The following CHD6 variants were observed in gnomAD, a reference collection of about 807,000 sequenced individuals.
CHD6 encodes chromodomain helicase DNA binding protein 6, also known as ATP-dependent chromatin remodeler CHD6.
A neutral mutation model predicts 276.9 loss-of-function variants in CHD6; 50 were observed. The observed-to-expected ratio is 0.18, with a 90% CI of 0.14 to 0.23. CHD6 has a LOEUF of 0.23. CHD6 is among the 10% of genes least tolerant of loss of function. The pLI is 1.00. For missense variants in CHD6, 2,564 were observed against 3,365.8 expected, an observed-to-expected ratio of 0.76 and a Z score of 5.89; for synonymous variants, 1,173 against 1,229.3, an observed-to-expected ratio of 0.95 and a Z score of 0.96.
chr20:41,434,105 T>C (rs1246911384), intron 27 of CHD6, among the ~76,000 whole-genome samples: 1 of 152,302 alleles, frequency 6.6e-6, no homozygotes, highest in East Asian at 1.9e-4. Flanking sequence ...GTCTGAATAA[T>C]ATCAACTAGA....
rs1307367989 is a variant in CHD6, at chr20:41,551,352, T to A, written c.-15A>T. ...TTCATTTTCATCTATTGAAGGAAGA[T>A]ATTTATTTCTGTAAAACATTTTTAA... On this transcript the variant is annotated 5_prime_UTR_variant, in exon 2 of 37. Coordinates refer to ENST00000373233, the MANE Select transcript of CHD6 (RefSeq NM_032221.5). 1 of 1,368,968 alleles carries A rather than the reference T, an allele frequency of 7.3e-7. No homozygotes were observed. Among genetic ancestry groups the A allele is most frequent in the Admixed American group, 1.7e-5 (1 of 57,700 alleles). 84.8% of individuals were successfully genotyped at this position (1,368,968 alleles called of 1,614,324 possible). A position where few individuals can be genotyped will look rare whatever the true frequency, so the allele number is the denominator to read the frequency against.
At chr20:41,580,100 TAAGAA>T (rs1188024218) in intron 1 of CHD6, among the ~76,000 whole-genome samples, 2 of 152,108 alleles carry the variant, frequency 1.3e-5, no homozygotes, top group African/African-American at 4.8e-5. Context: ...TTTCAAAACT[TAAGAA>T]AACAGCAGTC....
chr20:41,431,827 G>T (rs1350501865), intron 27 of CHD6, among the ~76,000 whole-genome samples: 3 of 145,344 alleles, frequency 2.1e-5, no homozygotes, highest in African/African-American at 7.8e-5. Flanking sequence ...TAAAGAAGCG[G>T]GCTACCCGGA....
chr20:41,420,773 T>A lies in CHD6; in HGVS notation c.5862A>T (p.Glu1954Asp), dbSNP rs767650890. ...AAGCCTTGGGTTTCTCGATTTCAAA[T>A]TCATCATTCTCGAGGCCATGCATCC... ...ERWMHGLEND[E>D]FEIEKPKAYI... Residue 1954 changes from glutamate (E) to aspartate (D), a missense_variant, in exon 31 of 37, where the codon GAA (glutamate) becomes GAT (aspartate). By Grantham distance (45) the Glu-to-Asp change is conservative. Coordinates refer to ENST00000373233, the MANE Select transcript of CHD6 (RefSeq NM_032221.5). 5.0e-6 allele frequency: 8 copies of A among 1,614,210 alleles called. No individual in the cohort carries two copies. The East Asian group carries it at 1.8e-4, about 36-fold the overall frequency.
At position 41,592,106 on chromosome 20, in the gene CHD6, CA is replaced by C. The variant is rs201671824; in HGVS notation, c.-24+26233del. ...AGAGTGAGACTCTGTATCAAACAAA[CA>C]AAAAAAAAGAATTTCAAATCAGACT... On this transcript the variant is annotated intron_variant, in intron 1 of 36. Transcript: ENST00000373233. 9.3e-5 allele frequency among the ~76,000 whole-genome samples: 14 copies of C among 150,632 alleles called. 3 individuals carry two copies. The highest frequency in any genetic ancestry group is 3.4e-4 in the African/African-American group (14 of 41,122).
intron 1 of CHD6, among the ~76,000 whole-genome samples, chr20:41,568,410 A>G (rs2045382158): frequency 2.0e-5 from 3 of 152,392 alleles, no homozygotes; most frequent in South Asian, 4.1e-4. Flanking sequence ...ACACATTAAC[A>G]AAATTATAAC....
chr20:41,488,205 CCTAAGT>C (rs2043464770), intron 13 of CHD6, among the ~76,000 whole-genome samples: 1 of 152,154 alleles, frequency 6.6e-6, no homozygotes, highest in Non-Finnish European at 1.5e-5. Context: ...TAAGAGTCCT[CCTAAGT>C]CTATGGAAAT....
chr20:41,520,116 A>G (rs1040818382), intron 3 of CHD6, among the ~76,000 whole-genome samples: 1 of 152,230 alleles, frequency 6.6e-6, no homozygotes, highest in Non-Finnish European at 1.5e-5. Context: ...CAAAACCACA[A>G]TGAGATATCA....
intron 14 of CHD6, among the ~76,000 whole-genome samples, chr20:41,486,825 C>T (rs1228736954): frequency 6.6e-6 from 1 of 152,102 alleles, no homozygotes; most frequent in Non-Finnish European, 1.5e-5. Flanking sequence ...TGAATAACTA[C>T]CATGACTCTG....
At chr20:41,566,446 T>C (rs988767312) in intron 1 of CHD6, among the ~76,000 whole-genome samples, 1 of 152,144 alleles carries the variant, frequency 6.6e-6, no homozygotes, top group Non-Finnish European at 1.5e-5. Flanking sequence ...CCCAATATTA[T>C]GTGCTGCCTT....
intron 1 of CHD6, among the ~76,000 whole-genome samples, chr20:41,602,522 G>C (rs980657786): frequency 3.3e-5 from 5 of 152,314 alleles, no homozygotes; most frequent in African/African-American, 1.2e-4. Context: ...TGAGCACAGT[G>C]GTTCAAGGCT....
At chr20:41,556,777 G>A (rs569618027) in intron 1 of CHD6, among the ~76,000 whole-genome samples, 3 of 152,234 alleles carry the variant, frequency 2.0e-5, no homozygotes, top group East Asian at 1.9e-4. Context: ...TGTTCAATAA[G>A]CATTTATTGA....
chr20:41,497,063 C>T, intron 8 of CHD6: 4 of 225,626 alleles, frequency 1.8e-5, no homozygotes, highest in South Asian at 1.7e-4. Context: ...CTGAAATGTC[C>T]TTTTTGGGTT....
At chr20:41,482,527 C>T in intron 16 of CHD6, 1 of 512,614 alleles carries the variant, frequency 2.0e-6, no homozygotes, top group Non-Finnish European at 3.9e-6. Flanking sequence ...CCGAGATTTG[C>T]TATGAAAACA....
At chr20:41,416,508 C>T (rs773273646) in intron 33 of CHD6, 80 bp downstream of exon 33, 154 of 1,339,840 alleles carry the variant, frequency 1.1e-4, no homozygotes, top group Non-Finnish European at 1.4e-4. Flanking sequence ...TAAATACTTG[C>T]TGAATGAATG....
rs531194020 is a variant in CHD6 at position 41,491,325 on chromosome 20, A to AAT, written c.1436+371_1436+372dup. ...ATATATATATATATATATTCCTATA[A>AAT]ATATATATATATATTTTTTGGTTTT... On this transcript the variant is annotated intron_variant, in intron 11 of 36. Transcript: ENST00000373233. 5.6e-3 allele frequency among the ~76,000 whole-genome samples: 826 copies of AAT among 147,080 alleles called. 5 individuals carry two copies. Among genetic ancestry groups the AAT allele is most frequent in the Middle Eastern group, 0.025 (7 of 276 alleles).
At position 41,589,725 on chromosome 20, in the gene CHD6, A is replaced by T. The variant is rs543055767; in HGVS notation, c.-24+28615T>A. On this transcript the variant is annotated intron_variant, in intron 1 of 36. Coordinates refer to ENST00000373233, the MANE Select transcript of CHD6 (RefSeq NM_032221.5). ...TGCTCAACGAAATAAAAGAGGACAC[A>T]AACAAATGGAAGAACATTCCATGCT... 7.9e-5 allele frequency among the ~76,000 whole-genome samples: 12 copies of T among 152,266 alleles called. No individual in the cohort carries two copies. The South Asian group carries it at 2.5e-3, about 32-fold the overall frequency.
intron 3 of CHD6, among the ~76,000 whole-genome samples, chr20:41,516,995 C>T (rs1274593959): frequency 3.3e-5 from 5 of 152,232 alleles, no homozygotes; most frequent in Admixed American, 2.6e-4. Flanking sequence ...TGATCAAGCA[C>T]ACGAACCAGC....
rs183722254 is a variant in CHD6 at position 41,468,498 on chromosome 20, G to C, written c.2664+4824C>G. 2.6e-4 allele frequency among the ~76,000 whole-genome samples: 39 copies of C among 152,062 alleles called. 1 individual carries two copies. In the South Asian group the frequency reaches 7.7e-3, roughly 30 times the overall value. On this transcript the variant is annotated intron_variant, in intron 17 of 36. Coordinates refer to ENST00000373233, the MANE Select transcript of CHD6 (RefSeq NM_032221.5). ...ATTATCTTATTTTTCCTCATTTATT[G>C]TCTGCCTATCCTACTGAAATAAAAC...
Sources: gnomAD v4.1 joint callset for allele counts (sites outside exome capture counted in the v4.1 genomes callset) on GRCh38, gnomAD v4.1.1 for gene constraint, MANE v1.5 for transcripts, NCBI Gene and HGNC (gene_info 2026-07-23, HGNC 2026-07-21) for gene names.